Variants in UQCC1 observed in about 807,000 individuals in gnomAD.
UQCC1 encodes the protein bFGF-repressed Zic-binding protein.
In UQCC1, 38 loss-of-function variants were observed where a neutral mutation model predicts 48.0. The ratio of observed to expected loss-of-function variants is 0.79; its 90% CI spans 0.61 to 1.04. UQCC1 has a LOEUF of 1.04. Ranked by LOEUF, UQCC1 falls within the 50% of genes least tolerant of loss-of-function variation. The probability of loss-of-function intolerance (pLI) is 0.00; values close to 1 mark genes in which losing one functional copy is unlikely to be tolerated. For synonymous variants in UQCC1, 111 were observed against 129.2 expected (o/e 0.86, Z 0.95); for missense variants, 368 against 381.8 (o/e 0.96, Z 0.30).
chr20:35,323,804 G>A (rs1014780251), intron 7 of UQCC1, among the ~76,000 whole-genome samples: 3 of 152,216 alleles, frequency 2.0e-5, no homozygotes, highest in Non-Finnish European at 2.9e-5. Context: ...TCTTCCTTAT[G>A]TTCAGGACCT....
chr20:35,325,262 A>G (rs1204430247), intron 7 of UQCC1, among the ~76,000 whole-genome samples: 1 of 152,268 alleles, frequency 6.6e-6, no homozygotes, highest in African/African-American at 2.4e-5. Flanking sequence ...TTGGGTATAG[A>G]TAATGAAAAT....
At chr20:35,306,599 C>T in intron 9 of UQCC1, 67 bp downstream of exon 9, 1 of 1,220,032 alleles carries the variant, frequency 8.2e-7, no homozygotes, top group Non-Finnish European at 1.2e-6. Flanking sequence ...TCTCATGATC[C>T]CCTGAAAGCC....
At position 35,363,721 on chromosome 20, in the gene UQCC1, G is replaced by A. The variant is rs564669539; in HGVS notation, c.464+2836C>T. Among the ~76,000 whole-genome samples, 4 of 152,236 alleles carry A rather than the reference G, an allele frequency of 2.6e-5. No homozygotes were observed. The South Asian group carries it at 8.3e-4, about 32-fold the overall frequency. On this transcript the variant is annotated intron_variant, in intron 6 of 9. Transcript: ENST00000374385. The stretch of plus-strand genomic sequence containing the variant: ...TTTGGTTTTGGTTTTGTTTGGCGGA[G>A]GAGGCATTATTTCTACTTTTCTGTT...
intron 7 of UQCC1, among the ~76,000 whole-genome samples, chr20:35,325,661 C>T (rs921760675): frequency 2.6e-5 from 4 of 152,146 alleles, no homozygotes; most frequent in Admixed American, 6.5e-5. Flanking sequence ...TACAATCTCA[C>T]GTGGGAGACA....
At chr20:35,307,445 C>T (rs2060942078) in intron 8 of UQCC1, among the ~76,000 whole-genome samples, 1 of 152,212 alleles carries the variant, frequency 6.6e-6, no homozygotes. Flanking sequence ...GAGGAGACTT[C>T]TGTTGGGAAG....
At chr20:35,388,667 G>GTC (rs2061977179) in intron 2 of UQCC1, among the ~76,000 whole-genome samples, 2 of 152,142 alleles carry the variant, frequency 1.3e-5, no homozygotes, top group Admixed American at 1.3e-4. Context: ...GCTATGTTCT[G>GTC]TCCGCTATAT....
intron 7 of UQCC1, chr20:35,346,084 C>T (rs1280994007): frequency 3.3e-5 from 5 of 152,102 alleles, no homozygotes; most frequent in African/African-American, 1.2e-4. Flanking sequence ...CACCAATCAG[C>T]ATTCTGTAAA....
rs560016315 is a variant in UQCC1 at position 35,314,964 on chromosome 20, C to T, written c.574-199G>A. On this transcript the variant is annotated intron_variant, in intron 7 of 9. Transcript: ENST00000374385. ...TTGCCAAATTCTTTTAGGTTTTGAT[C>T]TCAAATTACACAAGTCAGCTTAATG... Among the ~76,000 whole-genome samples, 5 of 152,284 alleles carry T rather than the reference C, an allele frequency of 3.3e-5. No individual in the cohort carries two copies. In the South Asian group the frequency reaches 1.0e-3, roughly 32 times the overall value.
intron 1 of UQCC1, among the ~76,000 whole-genome samples, chr20:35,402,764 G>A (rs6088822): frequency 6.6e-6 from 1 of 151,772 alleles, no homozygotes; most frequent in African/African-American, 2.4e-5. Flanking sequence ...CTGTACTCCA[G>A]CCTGGGTGAC....
chr20:35,321,285 C>CGT (rs1206572096), intron 7 of UQCC1, among the ~76,000 whole-genome samples: 5 of 136,020 alleles, frequency 3.7e-5, no homozygotes, highest in African/African-American at 9.3e-5. Context: ...TGTGTGTGTG[C>CGT]GCGCGCGCGC....
chr20:35,353,901 T>C (rs1423891559), intron 6 of UQCC1, among the ~76,000 whole-genome samples: 1 of 152,236 alleles, frequency 6.6e-6, no homozygotes, highest in Non-Finnish European at 1.5e-5. Context: ...AAGCTGTATT[T>C]ATGGTAAATA....
chr20:35,338,981 G>T (rs1166471687), intron 7 of UQCC1, among the ~76,000 whole-genome samples: 1 of 141,172 alleles, frequency 7.1e-6, no homozygotes, highest in African/African-American at 2.8e-5. Context: ...GAACCTCTGA[G>T]GTACCCAGTC....
intron 7 of UQCC1, among the ~76,000 whole-genome samples, chr20:35,341,632 A>T (rs557688197): frequency 6.6e-6 from 1 of 152,230 alleles, no homozygotes; most frequent in South Asian, 2.1e-4. Flanking sequence ...ACAGTGATAC[A>T]AAATAGAAAG....
At chr20:35,304,870 C>T (rs548964797) in intron 9 of UQCC1, among the ~76,000 whole-genome samples, 1 of 152,336 alleles carries the variant, frequency 6.6e-6, no homozygotes, top group South Asian at 2.1e-4. Flanking sequence ...ACCCCAGCCT[C>T]TCGCACGTGT....
chr20:35,310,429 G>A (rs2060976722), intron 8 of UQCC1, among the ~76,000 whole-genome samples: 1 of 151,912 alleles, frequency 6.6e-6, no homozygotes, highest in African/African-American at 2.4e-5. Context: ...TGGATCACGA[G>A]GTCAAGAGAT....
chr20:35,342,186 G>C (rs573603101), intron 7 of UQCC1, among the ~76,000 whole-genome samples: 1 of 152,140 alleles, frequency 6.6e-6, no homozygotes, highest in Non-Finnish European at 1.5e-5. Context: ...GCATGCCAGG[G>C]ACCGCTGATA....
intron 9 of UQCC1, among the ~76,000 whole-genome samples, chr20:35,305,026 G>C (rs958443091): frequency 6.6e-6 from 1 of 152,136 alleles, no homozygotes; most frequent in African/African-American, 2.4e-5. Flanking sequence ...TGGCTCTTGG[G>C]CCATCGGCCA....
chr20:35,310,853 G>A (rs1450034679), intron 8 of UQCC1, among the ~76,000 whole-genome samples: 3 of 140,742 alleles, frequency 2.1e-5, no homozygotes, highest in East Asian at 4.1e-4. Context: ...CCACCATGCC[G>A]GGCTAATTTT....
chr20:35,375,947 TAAAAA>T (rs11367331), intron 4 of UQCC1, among the ~76,000 whole-genome samples: 1 of 64,732 alleles, frequency 1.5e-5, no homozygotes, highest in African/African-American at 6.7e-5. Flanking sequence ...GGACCTTGCC[TAAAAA>T]AAAAAAAAAA....
Sources: gnomAD v4.1 joint callset for allele counts (sites outside exome capture counted in the v4.1 genomes callset) on GRCh38, gnomAD v4.1.1 for gene constraint, MANE v1.5 for transcripts, NCBI Gene and HGNC (gene_info 2026-07-23, HGNC 2026-07-21) for gene names.